Variants in SYNPR observed in about 807,000 individuals in gnomAD.
SYNPR encodes the protein synaptoporin.
Under a neutral mutation model 32.9 loss-of-function variants are expected in SYNPR, and 23 were observed. The ratio of observed to expected loss-of-function variants is 0.70; its 90% CI spans 0.50 to 0.99. The LOEUF (loss-of-function observed/expected upper bound fraction) is 0.99. SYNPR is among the 50% of genes least tolerant of loss of function. The pLI is 0.00. For missense variants in SYNPR, 318 were observed against 349.3 expected (o/e 0.91, Z 0.71); for synonymous variants, 146 against 135.9 (o/e 1.07, Z -0.52).
At chr3:63,340,748 G>T (rs1440847244) in intron 2 of SYNPR, among the ~76,000 whole-genome samples, 1 of 152,092 alleles carries the variant, frequency 6.6e-6, no homozygotes. Flanking sequence ...AGCAATTTTA[G>T]GTTTACAGAA....
intron 2 of SYNPR, among the ~76,000 whole-genome samples, chr3:63,392,432 G>T (rs2088150978): frequency 6.6e-6 from 1 of 152,170 alleles, no homozygotes; most frequent in Non-Finnish European, 1.5e-5. Flanking sequence ...ATCCTTGACA[G>T]CTAGTGTGTG....
chr3:63,532,542 G>T (rs533034319), intron 3 of SYNPR, among the ~76,000 whole-genome samples: 1 of 152,182 alleles, frequency 6.6e-6, no homozygotes, highest in South Asian at 2.1e-4. Flanking sequence ...ATCTGTTTTC[G>T]AGGCAGCTGA....
chr3:63,543,226 C>A lies in SYNPR; in HGVS notation c.210-13317C>A, dbSNP rs371777172. Among the ~76,000 whole-genome samples the A allele has an allele frequency of 3.1e-4, 47 of 152,178 alleles. No individual in the cohort carries two copies. The South Asian group carries it at 9.1e-3, about 30-fold the overall frequency. On this transcript the variant is annotated intron_variant, in intron 3 of 5. Transcript: ENST00000478300. ...GTGTTATCATGAAAATAATTTTGAT[C>A]TAATGCATCCCTCGAAAGAGTTTCA...
At chr3:63,416,952 C>T (rs779866023) in intron 2 of SYNPR, among the ~76,000 whole-genome samples, 10 of 152,154 alleles carry the variant, frequency 6.6e-5, no homozygotes, top group Non-Finnish European at 1.2e-4. Context: ...CCACTCCTGG[C>T]CTCTCCCAAA....
intron 2 of SYNPR, among the ~76,000 whole-genome samples, chr3:63,456,622 G>C (rs532712464): frequency 6.6e-6 from 1 of 152,238 alleles, no homozygotes; most frequent in South Asian, 2.1e-4. Context: ...ATTTGTTTAA[G>C]AGTGTGGAAC....
At chr3:63,310,031 C>T (rs1221257159) in intron 2 of SYNPR, among the ~76,000 whole-genome samples, 1 of 151,802 alleles carries the variant, frequency 6.6e-6, no homozygotes, top group African/African-American at 2.4e-5. Context: ...TAAATATTTT[C>T]TCAAGCAGAT....
chr3:63,465,934 G>A (rs1468631972), intron 2 of SYNPR, among the ~76,000 whole-genome samples: 1 of 151,994 alleles, frequency 6.6e-6, no homozygotes, highest in Non-Finnish European at 1.5e-5. Flanking sequence ...AAGCTCGGGG[G>A]TATGTGTGCA....
chr3:63,295,453 G>A (rs567577960), intron 2 of SYNPR, among the ~76,000 whole-genome samples: 2 of 152,102 alleles, frequency 1.3e-5, no homozygotes, highest in African/African-American at 2.4e-5. Flanking sequence ...AAGACCCTCC[G>A]TGGTTAACCT....
intron 2 of SYNPR, among the ~76,000 whole-genome samples, chr3:63,401,741 A>G (rs1575625897): frequency 6.6e-6 from 1 of 152,212 alleles, no homozygotes; most frequent in African/African-American, 2.4e-5. Flanking sequence ...TTCTTGATGG[A>G]CATCACTAGT....
intron 3 of SYNPR, among the ~76,000 whole-genome samples, chr3:63,512,563 G>A (rs11717741): frequency 0.37 from 56,246 of 151,822 alleles, 10,500 homozygotes; most frequent in Non-Finnish European, 0.42. Context: ...AAGTAGAAGA[G>A]TTAGAGTCAG....
intron 2 of SYNPR, among the ~76,000 whole-genome samples, chr3:63,343,979 CG>C (rs1389063704): frequency 2.6e-5 from 4 of 152,326 alleles, no homozygotes; most frequent in East Asian, 1.9e-4. Flanking sequence ...GCCAAACCCC[CG>C]AGTGAAGCCT....
chr3:63,264,787 G>A (rs1170138479), intron 2 of SYNPR, among the ~76,000 whole-genome samples: 2 of 152,128 alleles, frequency 1.3e-5, no homozygotes, highest in African/African-American at 2.4e-5. Flanking sequence ...GCAAAGGAGA[G>A]GCAGGCACTT....
At chr3:63,273,503 G>A (rs565393514), upstream of SYNPR, among the ~76,000 whole-genome samples, 5 of 152,114 alleles carry the variant, frequency 3.3e-5, no homozygotes, top group African/African-American at 1.2e-4. Flanking sequence ...TATAATTACT[G>A]TTGCTATTAT....
At chr3:63,534,180 C>T (rs760341233) in intron 3 of SYNPR, among the ~76,000 whole-genome samples, 1 of 151,932 alleles carries the variant, frequency 6.6e-6, no homozygotes, top group Non-Finnish European at 1.5e-5. Context: ...CTTAGAAAGC[C>T]ATGTTTTCTA....
chr3:63,306,751 G>T lies in SYNPR; in HGVS notation c.84+28009G>T, dbSNP rs575223784. On this transcript the variant is annotated intron_variant, in intron 2 of 5. Transcript: ENST00000478300. ...TTAGATGGAGTTCATACAAATGAAAGGTTTTGCACTTGGGAGGCAGGTGAA... is the reference window on the plus strand; with the variant it reads ...TTAGATGGAGTTCATACAAATGAAATGTTTTGCACTTGGGAGGCAGGTGAA... Among the ~76,000 whole-genome samples, 14 of 152,060 alleles carry T rather than the reference G, an allele frequency of 9.2e-5. 1 individual carries two copies. In the South Asian group the frequency reaches 2.7e-3, roughly 29 times the overall value.
chr3:63,467,185 T>A (rs1004453890), intron 2 of SYNPR, among the ~76,000 whole-genome samples: 5 of 152,098 alleles, frequency 3.3e-5, no homozygotes, highest in Non-Finnish European at 5.9e-5. Flanking sequence ...TAACTTACTT[T>A]ATTTTATTTA....
chr3:63,612,716 T>G (rs997013617), intron 5 of SYNPR, among the ~76,000 whole-genome samples: 3 of 152,202 alleles, frequency 2.0e-5, no homozygotes, highest in Non-Finnish European at 4.4e-5. Context: ...TTGTTTACGT[T>G]CTTACTTTTA....
intron 2 of SYNPR, among the ~76,000 whole-genome samples, chr3:63,451,118 G>A (rs370606701): frequency 6.6e-6 from 1 of 152,192 alleles, no homozygotes; most frequent in African/African-American, 2.4e-5. Flanking sequence ...ACCATTATGA[G>A]TAATAATGAG....
At chr3:63,350,503 A>T (rs925319168) in intron 2 of SYNPR, among the ~76,000 whole-genome samples, 9 of 152,212 alleles carry the variant, frequency 5.9e-5, no homozygotes, top group African/African-American at 2.2e-4. Flanking sequence ...CTGTGTGTGT[A>T]TGCCTGTGTA....
Sources: gnomAD v4.1 joint callset for allele counts (sites outside exome capture counted in the v4.1 genomes callset) on GRCh38, gnomAD v4.1.1 for gene constraint, MANE v1.5 for transcripts, NCBI Gene and HGNC (gene_info 2026-07-23, HGNC 2026-07-21) for gene names.